Variants in IQSEC1 observed in about 807,000 individuals in gnomAD.
The protein encoded by IQSEC1 is IQ motif and SEC7 domain-containing protein 1.
In IQSEC1, 31 loss-of-function variants were observed where a neutral mutation model predicts 91.0. That is an observed-to-expected ratio of 0.34 (90% CI 0.26 to 0.46). The LOEUF (loss-of-function observed/expected upper bound fraction) is 0.46, where lower values mean the gene tolerates loss of function less well. IQSEC1 is among the 20% of genes least tolerant of loss of function. The probability of loss-of-function intolerance (pLI) is 1.00; values close to 1 mark genes in which losing one functional copy is unlikely to be tolerated. For missense variants in IQSEC1, 1,388 were observed against 1,575.6 expected, an observed-to-expected ratio of 0.88 and a Z score of 2.02; for synonymous variants, 699 against 662.6, an observed-to-expected ratio of 1.05 and a Z score of -0.84.
At chr3:13,271,249 A>C (rs1159079357) in intron 1 of IQSEC1, among the ~76,000 whole-genome samples, 1 of 151,984 alleles carries the variant, frequency 6.6e-6, no homozygotes. Flanking sequence ...TGGTGGCAGG[A>C]GCCTGTAGTC....
intron 1 of IQSEC1, among the ~76,000 whole-genome samples, chr3:13,187,816 A>G (rs1265835572): frequency 1.3e-5 from 2 of 152,102 alleles, no homozygotes; most frequent in Admixed American, 1.3e-4. Context: ...TCTGCTGAGG[A>G]CCCACCTCCT....
intron 2 of IQSEC1, among the ~76,000 whole-genome samples, chr3:13,095,422 A>G (rs1268602099): frequency 6.6e-6 from 1 of 152,146 alleles, no homozygotes. Flanking sequence ...TCCTTTAGGG[A>G]AGTGCTGGCT....
chr3:12,976,156 C>T (rs933927348), intron 1 of IQSEC1, among the ~76,000 whole-genome samples: 1 of 152,264 alleles, frequency 6.6e-6, no homozygotes, highest in Admixed American at 6.5e-5. Context: ...CTGAACCCCA[C>T]TCCCAGAGTG....
intron 2 of IQSEC1, among the ~76,000 whole-genome samples, chr3:13,156,813 T>G (rs6442354): frequency 0.56 from 85,245 of 151,448 alleles, 24,017 homozygotes; most frequent in Middle Eastern, 0.61. Context: ...GAACTCATCT[T>G]GGGTGAGACC....
At chr3:13,076,320 A>C (rs1705560970), upstream of IQSEC1, among the ~76,000 whole-genome samples, 1 of 152,134 alleles carries the variant, frequency 6.6e-6, no homozygotes, top group Non-Finnish European at 1.5e-5. Flanking sequence ...ATCATTGTGG[A>C]CTGTGGGAAG....
intron 2 of IQSEC1, among the ~76,000 whole-genome samples, chr3:13,120,494 T>G (rs1261996009): frequency 2.6e-5 from 4 of 152,212 alleles, no homozygotes; most frequent in Non-Finnish European, 1.5e-5. Flanking sequence ...CTGGGCTCCG[T>G]GTACTCCTCC....
chr3:13,142,749 T>C (rs562599702), intron 2 of IQSEC1, among the ~76,000 whole-genome samples: 1 of 152,230 alleles, frequency 6.6e-6, no homozygotes, highest in South Asian at 2.1e-4. Flanking sequence ...TTGCAGCACA[T>C]CCAGGCCCAT....
chr3:13,077,250 C>T (rs924656297), upstream of IQSEC1, among the ~76,000 whole-genome samples: 1 of 151,944 alleles, frequency 6.6e-6, no homozygotes, highest in South Asian at 2.1e-4. Context: ...AGATGAATAC[C>T]GTGAACTCTG....
In IQSEC1 at chr3:13,038,172, ATATATATAAG is replaced by A. The variant is rs1414935534; in HGVS notation, c.23+34810_23+34819del. On this transcript the variant is annotated intron_variant, in intron 1 of 13. Transcript: ENST00000613206. Reference sequence around the variant, plus strand: ...AAGAAAACTTGGTATATATATGAATATATATATAAGTATATATAAGTATGTATAAAAATAT... The same window carrying A: ...AAGAAAACTTGGTATATATATGAATATATATATAAGTATGTATAAAAATAT... Among the ~76,000 whole-genome samples, 9 of 145,298 alleles carry A rather than the reference ATATATATAAG, an allele frequency of 6.2e-5. 1 individual carries two copies. Among genetic ancestry groups the A allele is most frequent in the Admixed American group, 2.8e-4 (4 of 14,450 alleles).
At chr3:13,065,272 T>A (rs1339381132) in intron 1 of IQSEC1, among the ~76,000 whole-genome samples, 5 of 152,222 alleles carry the variant, frequency 3.3e-5, no homozygotes, top group Non-Finnish European at 7.3e-5. Flanking sequence ...AGCACTTCAA[T>A]GATGAAGCAC....
In IQSEC1 at chr3:13,204,791, TTCTA is replaced by T. The variant is rs202096251; in HGVS notation, c.273-40662_273-40659del. On this transcript the variant is annotated intron_variant, in intron 1 of 15. Coordinates refer to the IQSEC1 transcript ENST00000648114. The stretch of plus-strand genomic sequence containing the variant: ...TTTCTTTTTCTTTCTGTGTTTCTCT[TTCTA>T]TCTTTCTTTCTTTTTTTTTTTTTTG... 8.7e-3 allele frequency among the ~76,000 whole-genome samples: 1,313 copies of T among 150,972 alleles called. 12 individuals are homozygous for T. The highest frequency in any genetic ancestry group is 0.015 in the Non-Finnish European group (1,019 of 67,822).
chr3:12,997,565 T>C (rs952926124), intron 1 of IQSEC1, among the ~76,000 whole-genome samples: 2 of 152,174 alleles, frequency 1.3e-5, no homozygotes, highest in African/African-American at 2.4e-5. Flanking sequence ...TGAAACCTCA[T>C]AGAGTGTTCT....
chr3:13,275,565 ATCC>A lies in IQSEC1; in HGVS notation c.272+7143_272+7145del, dbSNP rs369832586. ...ATGCTGCTTCCCCTGCCTTGACACC[ATCC>A]TCCTCCTCTCTCCTGCTCTTCAAGT... On this transcript the variant is annotated intron_variant, in intron 1 of 15. Coordinates refer to the IQSEC1 transcript ENST00000648114. Among the ~76,000 whole-genome samples, 29 of 152,100 alleles carry A rather than the reference ATCC, an allele frequency of 1.9e-4. No homozygotes were observed. In the East Asian group the frequency reaches 4.8e-3, roughly 25 times the overall value.
At chr3:13,108,761 A>G (rs893363739) in intron 2 of IQSEC1, among the ~76,000 whole-genome samples, 2 of 152,244 alleles carry the variant, frequency 1.3e-5, no homozygotes, top group African/African-American at 4.8e-5. Context: ...AAAACACATC[A>G]GTGAATCAAA....
At position 12,900,523 on chromosome 3, in the gene IQSEC1, C is replaced by G; in HGVS notation, c.*460G>C. 1.1e-6 allele frequency: 1 copy of G among 931,140 alleles called. No individual in the cohort carries two copies. Among genetic ancestry groups the G allele is most frequent in the East Asian group, 1.2e-4 (1 of 8,562 alleles). 57.7% of individuals were successfully genotyped at this position (931,140 alleles called of 1,614,324 possible). Reference sequence around the variant, plus strand: ...ACTTACGTATTTTCATCAACCATATCAGGTCTACTTATTTTTTTGCCCATT... The same window carrying G: ...ACTTACGTATTTTCATCAACCATATGAGGTCTACTTATTTTTTTGCCCATT... On this transcript the variant is annotated 3_prime_UTR_variant, in exon 14 of 14. Transcript: ENST00000613206.
rs1052860591 is a variant in IQSEC1, at chr3:13,259,614, G to A, written c.272+23097C>T. ...CTAAGTGTTCATTAACTTGATGATT[G>A]CAGAAGACCCACTAGGCTGTTCGTT... On this transcript the variant is annotated intron_variant, in intron 1 of 15. Coordinates refer to the IQSEC1 transcript ENST00000648114. This position sits in a 1 kb window ranked among gnomAD's most constrained non-coding sequence, Gnocchi z 4.6. Among the ~76,000 whole-genome samples the A allele has an allele frequency of 6.6e-6, 1 of 152,230 alleles. No individual in the cohort carries two copies. The highest frequency in any genetic ancestry group is 1.5e-5 in the Non-Finnish European group (1 of 68,048).
At chr3:12,941,363 C>A (rs41293397) in intron 2 of IQSEC1, among the ~76,000 whole-genome samples, 6,662 of 152,290 alleles carry the variant, frequency 0.044, 186 homozygotes, top group South Asian at 0.093. Context: ...GTCCTTCATA[C>A]ACGCCAGCCA....
At chr3:13,244,606 C>G (rs1695077388) in intron 1 of IQSEC1, among the ~76,000 whole-genome samples, 2 of 152,164 alleles carry the variant, frequency 1.3e-5, no homozygotes, top group Non-Finnish European at 2.9e-5. Flanking sequence ...TGGTTCAGGC[C>G]TCTGACTGCA....
chr3:12,979,710 A>AC lies in IQSEC1; in HGVS notation c.24-37846dup, dbSNP rs918287802. ...ACATTAAAGGTCTGTCAGCATGCCG[A>AC]CCCTCCTGTCTGATGTCATCAGAAG... On this transcript the variant is annotated intron_variant, in intron 1 of 13. Coordinates refer to ENST00000613206, the MANE Select transcript of IQSEC1 (RefSeq NM_001134382.3). This position sits in a 1 kb window ranked among gnomAD's most constrained non-coding sequence, Gnocchi z 4.3. Among the ~76,000 whole-genome samples, 3 of 151,924 alleles carry AC rather than the reference A, an allele frequency of 2.0e-5. No individual in the cohort carries two copies. Among genetic ancestry groups the AC allele is most frequent in the African/African-American group, 7.3e-5 (3 of 41,338 alleles).
Sources: allele counts gnomAD v4.1 joint callset (sites outside exome capture counted in the v4.1 genomes callset), GRCh38; gene constraint gnomAD v4.1.1; non-coding constraint Gnocchi (gnomAD v3.1); transcripts MANE v1.5; gene names NCBI Gene and HGNC (gene_info 2026-07-23, HGNC 2026-07-21).